Variants in PEX19 observed in about 807,000 individuals in gnomAD.
PEX19 encodes 33 kDa housekeeping protein.
A neutral mutation model predicts 36.3 loss-of-function variants in PEX19; 29 were observed. The ratio of observed to expected loss-of-function variants is 0.80; its 90% CI spans 0.60 to 1.09. The LOEUF (loss-of-function observed/expected upper bound fraction) is 1.09. PEX19 is among the 50% of genes least tolerant of loss of function. The pLI, the probability that PEX19 is intolerant of heterozygous loss-of-function variation, is 0.00. For missense variants in PEX19, 396 were observed against 368.1 expected (o/e 1.08, Z -0.62); for synonymous variants, 141 against 135.2 (o/e 1.04, Z -0.30).
At chr1:160,280,592 C>T (rs1308793204) in intron 5 of PEX19, among the ~76,000 whole-genome samples, 1 of 151,950 alleles carries the variant, frequency 6.6e-6, no homozygotes, top group African/African-American at 2.4e-5. Context: ...TCACCACTCA[C>T]TGCAGCCTCG....
At chr1:160,284,352 T>G (rs747734530) in intron 1 of PEX19, 1 of 379,886 alleles carries the variant, frequency 2.6e-6, no homozygotes, top group Non-Finnish European at 5.3e-6. Flanking sequence ...GAAAAGCCTG[T>G]GTCCTCACCA....
At position 160,276,875 on chromosome 1, in the gene PEX19, TTATC is replaced by T. The variant is rs757058148; in HGVS notation, c.*2672_*2675del. The T allele has an allele frequency of 1.4e-4, 58 of 427,424 alleles. 2 individuals are homozygous for T. The East Asian group carries it at 1.4e-3, about 10-fold the overall frequency. The allele number at this position is 427,424 out of a possible 1,614,324, so 26.5% of individuals were successfully genotyped here. ...TGAAGCCACCCATACAATCACAAAT[TTATC>T]TAACACATTTAATTTTGGAACAAAG... On this transcript the variant is annotated 3_prime_UTR_variant, in exon 8 of 8. Coordinates refer to ENST00000368072, the MANE Select transcript of PEX19 (RefSeq NM_002857.4).
Position 160,282,418 on chromosome 1 carries a change from T to G in PEX19, c.431A>C (p.Gln144Pro). Residue 144 changes from glutamine to proline, a missense_variant and splice_region_variant, in exon 4 of 8, where the codon CAG becomes CCG. Coordinates refer to ENST00000368072, the MANE Select transcript of PEX19 (RefSeq NM_002857.4). Reference sequence around the variant, plus strand: ...GGGCCCCTACTACTTTCTCCTCACCTGAAGGTCAGTGGCATTTTTGGCTAA... The same window carrying G: ...GGGCCCCTACTACTTTCTCCTCACCGGAAGGTCAGTGGCATTTTTGGCTAA... ...SGLAKNATDL[Q>P]NSSMSEEELT... The G allele has an allele frequency of 6.2e-7, 1 of 1,612,806 alleles. No homozygotes were observed.
chr1:160,278,949 G>T lies in PEX19; in HGVS notation c.*602C>A, dbSNP rs994708539. 1 of 454,020 alleles carries T rather than the reference G, an allele frequency of 2.2e-6. No homozygotes were observed. The highest frequency in any genetic ancestry group is 4.4e-6 in the Non-Finnish European group (1 of 226,804). The allele number at this position is 454,020 out of a possible 1,614,324, so 28.1% of individuals were successfully genotyped here. On this transcript the variant is annotated 3_prime_UTR_variant, in exon 8 of 8. Coordinates refer to ENST00000368072, the MANE Select transcript of PEX19 (RefSeq NM_002857.4). ...CAGGGAGGTGAGGGCTCAGCACCTAGAGAGAGGAGAATCCTAAGGCCTCTC... is the reference window on the plus strand; with the variant it reads ...CAGGGAGGTGAGGGCTCAGCACCTATAGAGAGGAGAATCCTAAGGCCTCTC...
Position 160,282,119 on chromosome 1 carries a change from G to C in PEX19, c.514C>G (p.Leu172Val). 6.2e-7 allele frequency: 1 copy of C among 1,611,786 alleles called. No individual in the cohort carries two copies. The highest frequency in any genetic ancestry group is 2.2e-5 in the East Asian group (1 of 44,868). The change falls in exon 5 of 8, where the codon CTC becomes GTC. Residue 172 changes from leucine to valine, a missense_variant. By Grantham distance (32) the Leu-to-Val change is conservative (BLOSUM62 1). Coordinates refer to ENST00000368072, the MANE Select transcript of PEX19 (RefSeq NM_002857.4). Reference protein sequence around the residue: ...MDEGDGEGNILPIMQSIMQNL... With the variant: ...MDEGDGEGNIVPIMQSIMQNL... ...TGCATAATACTCTGCATGATGGGGA[G>C]GATGTTCCCTTCCCCATCCCCTTCG...
At chr1:160,279,889 G>C (rs370351422) in intron 6 of PEX19, 44 bp from the exon 7 acceptor site, 1 of 1,529,192 alleles carries the variant, frequency 6.5e-7, no homozygotes, top group Non-Finnish European at 9.1e-7. Flanking sequence ...GAAAAGCCCA[G>C]AAAACAACAG....
chr1:160,282,256 A>T, intron 4 of PEX19, 56 bp from the exon 5 acceptor site: 1 of 1,574,788 alleles, frequency 6.4e-7, no homozygotes, highest in Non-Finnish European at 8.7e-7. Context: ...GATGCTCACC[A>T]CTCTCTCAGG....
intron 1 of PEX19, among the ~76,000 whole-genome samples, chr1:160,284,744 G>A (rs1351762484): frequency 8.5e-5 from 13 of 152,202 alleles, no homozygotes; most frequent in Admixed American, 8.5e-4. Flanking sequence ...TGCTGCTACT[G>A]CTGCTGAAGT....
At chr1:160,282,919 T>C in intron 3 of PEX19, 25 bp downstream of exon 3, 2 of 1,610,930 alleles carry the variant, frequency 1.2e-6, no homozygotes, top group Non-Finnish European at 1.7e-6. Context: ...GTTCAGATAT[T>C]TCCATGTATC....
rs1008691602 is a variant in PEX19, at chr1:160,277,584, T to C, written c.*1967A>G. On this transcript the variant is annotated 3_prime_UTR_variant, in exon 8 of 8. Transcript: ENST00000368072. ...TGCTCACATTCAATCAAAATCAAAA[T>C]AAAAATGAGTGCCTTGGGAACAAAG... 2.0e-5 allele frequency: 9 copies of C among 454,018 alleles called. No homozygotes were observed. The highest frequency in any genetic ancestry group is 1.8e-4 in the African/African-American group (9 of 50,006). 28.1% of individuals were successfully genotyped at this position (454,018 alleles called of 1,614,324 possible).
At position 160,279,556 on chromosome 1, in the gene PEX19, T is replaced by C. The variant is rs754144821; in HGVS notation, c.895A>G (p.Met299Val). The part of the protein sequence containing the change: ...PGASGEQCLI[M>V] ...AGAGGAAAACGTGTTGTGTTTCACA[T>C]GATCAGACACTGTTCACCACTGGCA... The change falls in exon 8 of 8, where the codon ATG becomes GTG. Residue 299 changes from methionine to valine, a missense_variant. Met to Val is a conservative substitution (Grantham distance 21). Coordinates refer to ENST00000368072, the MANE Select transcript of PEX19 (RefSeq NM_002857.4). The C allele has an allele frequency of 2.5e-6, 4 of 1,613,616 alleles. No homozygotes were observed. The East Asian group carries it at 8.9e-5, about 36-fold the overall frequency.
rs1351733007 is a variant in PEX19, at chr1:160,278,997, T to C, written c.*554A>G. 2.2e-6 allele frequency: 1 copy of C among 454,142 alleles called. No homozygotes were observed. The highest frequency in any genetic ancestry group is 6.9e-4 in the Middle Eastern group (1 of 1,444). The allele number at this position is 454,142 out of a possible 1,614,324, so 28.1% of individuals were successfully genotyped here. ...CTCTTTCAACTCTATTGTGATTAGA[T>C]GCAAAAGCCCTTTCCCTTTAGAGAA... On this transcript the variant is annotated 3_prime_UTR_variant, in exon 8 of 8. Coordinates refer to ENST00000368072, the MANE Select transcript of PEX19 (RefSeq NM_002857.4).
intron 3 of PEX19, 200 bp from the exon 4 acceptor site, chr1:160,282,702 A>G: frequency 1.5e-6 from 1 of 673,450 alleles, no homozygotes; most frequent in Non-Finnish European, 2.6e-6. Context: ...CTCCATGATG[A>G]TACCCACAAT....
chr1:160,284,924 T>A, intron 1 of PEX19, 131 bp downstream of exon 1: 3 of 783,116 alleles, frequency 3.8e-6, no homozygotes, highest in Non-Finnish European at 6.7e-6. Flanking sequence ...GGCTCGGGGG[T>A]CAGACTCTCC....
intron 5 of PEX19, 106 bp from the exon 6 acceptor site, chr1:160,280,352 A>C (rs1657722920): frequency 9.2e-7 from 1 of 1,081,190 alleles, no homozygotes; most frequent in Admixed American, 1.7e-5. Context: ...ACGTAGAAAA[A>C]CGAAAAGCTA....
chr1:160,281,901 C>T (rs1657784387), intron 5 of PEX19, 138 bp downstream of exon 5: 5 of 747,656 alleles, frequency 6.7e-6, no homozygotes, highest in Non-Finnish European at 1.2e-5. Flanking sequence ...CCCCAACTCT[C>T]CCTGCCTCAA....
chr1:160,277,212 T>A lies in PEX19; in HGVS notation c.*2339A>T, dbSNP rs1056917684. The A allele has an allele frequency of 4.4e-6, 2 of 455,752 alleles. No individual in the cohort carries two copies. The highest frequency in any genetic ancestry group is 4.0e-5 in the African/African-American group (2 of 50,044). 28.2% of individuals were successfully genotyped at this position (455,752 alleles called of 1,614,324 possible). On this transcript the variant is annotated 3_prime_UTR_variant, in exon 8 of 8. Transcript: ENST00000368072. The stretch of plus-strand genomic sequence containing the variant: ...GTCAGTGAACACCTTTTTTTTTTTT[T>A]CACCAGTCTGTGACATGGTGAATTA...
chr1:160,279,355 T>C lies in PEX19; in HGVS notation c.*196A>G, dbSNP rs1295736728. On this transcript the variant is annotated 3_prime_UTR_variant, in exon 8 of 8. Coordinates refer to ENST00000368072, the MANE Select transcript of PEX19 (RefSeq NM_002857.4). Reference sequence around the variant, plus strand: ...CACAATGGAGTAGGGTTCACAGAAATGGCCTGTGAAACAGACCCTATTCCT... The same window carrying C: ...CACAATGGAGTAGGGTTCACAGAAACGGCCTGTGAAACAGACCCTATTCCT... 3 of 695,532 alleles carry C rather than the reference T, an allele frequency of 4.3e-6. No homozygotes were observed. The highest frequency in any genetic ancestry group is 7.9e-6 in the Non-Finnish European group (3 of 381,884). The allele number at this position is 695,532 out of a possible 1,614,324, so 43.1% of individuals were successfully genotyped here.
intron 1 of PEX19, 44 bp downstream of exon 1, chr1:160,285,011 C>G: frequency 7.1e-7 from 1 of 1,412,980 alleles, no homozygotes; most frequent in Non-Finnish European, 1.0e-6. Context: ...AGAATGGGTC[C>G]TCACACGTGC....
Sources: allele counts gnomAD v4.1 joint callset (sites outside exome capture counted in the v4.1 genomes callset), GRCh38; gene constraint gnomAD v4.1.1; transcripts MANE v1.5; gene names NCBI Gene and HGNC (gene_info 2026-07-23, HGNC 2026-07-21).